Variants in PLD2 observed in about 807,000 individuals in gnomAD.
PLD2 encodes choline phosphatase 2.
Under a neutral mutation model 119.8 loss-of-function variants are expected in PLD2, and 101 were observed. The ratio of observed to expected loss-of-function variants is 0.84; its 90% CI spans 0.72 to 0.99. The LOEUF is 0.99. Ranked by LOEUF, PLD2 falls within the 50% of genes least tolerant of loss-of-function variation. PLD2 has a pLI of 0.00. For synonymous variants in PLD2, 494 were observed against 482.8 expected, an observed-to-expected ratio of 1.02 and a Z score of -0.30; for missense variants, 1,164 against 1,226.8, an observed-to-expected ratio of 0.95 and a Z score of 0.76.
intron 7 of PLD2, 51 bp from the exon 8 acceptor site, chr17:4,809,640 G>A: frequency 1.2e-6 from 2 of 1,610,920 alleles, no homozygotes; most frequent in Non-Finnish European, 1.7e-6. Context: ...GTGCAGGGTG[G>A]GCTGGGGGTC....
Position 4,823,097 on chromosome 17 carries a change from G to A in PLD2, c.*233G>A. ...AGTCCCAGAGCTCATCCCCCCTGCT[G>A]CCCAGTGCAAACCACTTCTCCATGC... On this transcript the variant is annotated 3_prime_UTR_variant, in exon 25 of 25. Transcript: ENST00000263088. The A allele has an allele frequency of 1.9e-6, 1 of 526,008 alleles. No individual in the cohort carries two copies. The highest frequency in any genetic ancestry group is 3.4e-6 in the Non-Finnish European group (1 of 294,992). The allele number at this position is 526,008 out of a possible 1,614,324, so 32.6% of individuals were successfully genotyped here.
In PLD2 at chr17:4,807,622, G is replaced by A. The variant is rs112267429; in HGVS notation, c.-1-150G>A. On this transcript the variant is annotated intron_variant, in intron 1 of 24. Transcript: ENST00000263088. The surrounding 1 kb of genome is among the most constrained non-coding windows in gnomAD (Gnocchi z 5.4). ...GGGGGCTCGAAGGGGTCGGTGGGGC[G>A]TTGCAAACTGGTCAGGCGTCATCCG... 8 of 574,456 alleles carry A rather than the reference G, an allele frequency of 1.4e-5. 1 individual carries two copies. Among genetic ancestry groups the A allele is most frequent in the African/African-American group, 3.7e-5 (2 of 53,538 alleles). The allele number at this position is 574,456 out of a possible 1,614,324, so 35.6% of individuals were successfully genotyped here. A position where few individuals can be genotyped will look rare whatever the true frequency, so the allele number is the denominator to read the frequency against.
At chr17:4,814,863 G>T in intron 12 of PLD2, 152 bp downstream of exon 12, 3 of 711,718 alleles carry the variant, frequency 4.2e-6, no homozygotes, top group Non-Finnish European at 7.5e-6. Flanking sequence ...CATCACCTCC[G>T]CCCTCTCCCT....
intron 14 of PLD2, 93 bp from the exon 15 acceptor site, chr17:4,816,523 GTCTC>G (rs1685617695): frequency 7.9e-7 from 1 of 1,271,140 alleles, no homozygotes; most frequent in African/African-American, 1.5e-5. Context: ...CTTCCTCTCG[GTCTC>G]TCTCACTCTT....
Position 4,822,844 on chromosome 17 carries a change from C to A in PLD2, c.2782C>A (p.Pro928Thr), listed in dbSNP as rs764878216. The A allele has an allele frequency of 1.0e-4, 161 of 1,605,638 alleles. 2 individuals are homozygous for A. The highest frequency in any genetic ancestry group is 2.7e-4 in the Admixed American group (16 of 59,804). Residue 928 changes from proline to threonine, a missense_variant, in exon 25 of 25, where the codon CCC (proline) becomes ACC (threonine). Physicochemically the swap from Pro to Thr is conservative, Grantham distance 38. Coordinates refer to ENST00000263088, the MANE Select transcript of PLD2 (RefSeq NM_002663.5). Reference protein sequence around the residue: ...PPLGSKEGMIPLEVWT With the variant: ...PPLGSKEGMITLEVWT Reference sequence around the variant, plus strand: ...GCTGGGTAGCAAGGAGGGCATGATCCCCCTAGAAGTGTGGACATAGTTGAG... The same window carrying A: ...GCTGGGTAGCAAGGAGGGCATGATCACCCTAGAAGTGTGGACATAGTTGAG...
chr17:4,815,780 A>T lies in PLD2; in HGVS notation c.1301A>T (p.Asp434Val), dbSNP rs1024279823. The stretch of plus-strand genomic sequence containing the variant: ...CTGCTCCAGGTGATGCGTCACCCAG[A>T]CCAAGTGACGTTGTGGGCCCATCAT... ...HPNIKVMRHPDQVTLWAHHEK... is the reference protein window; with the variant it reads ...HPNIKVMRHPVQVTLWAHHEK... The change falls in exon 14 of 25, where the codon GAC (aspartate) becomes GTC (valine). Residue 434 changes from aspartate to valine, a missense_variant. Asp to Val is a radical substitution (Grantham distance 152, BLOSUM62 -3). Transcript: ENST00000263088. 1.2e-6 allele frequency: 2 copies of T among 1,614,008 alleles called. No homozygotes were observed. The highest frequency in any genetic ancestry group is 1.7e-6 in the Non-Finnish European group (2 of 1,179,966).
At position 4,819,085 on chromosome 17, in the gene PLD2, G is replaced by A. The variant is rs1414781472; in HGVS notation, c.2175G>A (p.Met725Ile). Reference protein sequence around the residue: ...YSILHRLKAAMGTAWRDYISI... With the variant: ...YSILHRLKAAIGTAWRDYISI... ...CTCACTTCCCCTCCTGTCACGCAGT[G>A]GGGACAGCATGGCGGGACTATATTT... The change falls in exon 22 of 25, where the codon ATG becomes ATA. Residue 725 changes from methionine (M) to isoleucine (I), a missense_variant and splice_region_variant. Transcript: ENST00000263088. The surrounding 1 kb of genome is among the most constrained non-coding windows in gnomAD (Gnocchi z 4.2). 1.9e-6 allele frequency: 3 copies of A among 1,614,122 alleles called. No homozygotes were observed. Among genetic ancestry groups the A allele is most frequent in the Non-Finnish European group, 2.5e-6 (3 of 1,179,976 alleles).
intron 10 of PLD2, among the ~76,000 whole-genome samples, chr17:4,813,127 G>A (rs570562574): frequency 1.1e-4 from 16 of 152,092 alleles, no homozygotes; most frequent in East Asian, 3.9e-4. Context: ...CTCCTGCCTC[G>A]GCCTCCTGAG....
chr17:4,809,394 A>G, intron 6 of PLD2, 31 bp downstream of exon 6: 1 of 1,613,340 alleles, frequency 6.2e-7, no homozygotes, highest in Non-Finnish European at 8.5e-7. Flanking sequence ...TTAGATGTGG[A>G]GCAGGATTAT....
chr17:4,822,610 C>T, intron 24 of PLD2, 30 bp from the exon 25 acceptor site: 1 of 1,506,518 alleles, frequency 6.6e-7, no homozygotes, highest in South Asian at 1.1e-5. Flanking sequence ...TCTCCCCAAG[C>T]CTTACTGGCG....
intron 4 of PLD2, 36 bp from the exon 5 acceptor site, chr17:4,809,064 C>G: frequency 6.6e-7 from 1 of 1,523,842 alleles, no homozygotes; most frequent in Non-Finnish European, 9.1e-7. Flanking sequence ...CCCAGCCTCC[C>G]AGCTCTTACC....
chr17:4,815,378 A>C (rs1216558338), intron 12 of PLD2, 98 bp from the exon 13 acceptor site: 6 of 771,178 alleles, frequency 7.8e-6, no homozygotes, highest in Non-Finnish European at 1.4e-5. Context: ...TAGGATCTCC[A>C]GACAAGCTGG....
chr17:4,811,297 CT>C (rs35190261), intron 10 of PLD2, among the ~76,000 whole-genome samples: 46,191 of 78,098 alleles, frequency 0.59, 11,103 homozygotes, highest in South Asian at 0.7. Context: ...ATTTTCTTTT[CT>C]TTTTTTTTTT....
In PLD2 at chr17:4,818,498, G is replaced by T; in HGVS notation, c.2014G>T (p.Gly672Trp). The T allele has an allele frequency of 6.2e-7, 1 of 1,613,262 alleles. No homozygotes were observed. The change falls in exon 20 of 25, where the codon GGG becomes TGG. Residue 672 changes from glycine to tryptophan, a missense_variant. Transcript: ENST00000263088. ...VDRILKAHKQ[G>W]WCYRVYVLLP... is the part of the protein sequence containing the mutation. Reference sequence around the variant, plus strand: ...CTGACTCCACCCCCTCCCCAGACAGGGGTGGTGTTACCGAGTCTACGTGCT... The same window carrying T: ...CTGACTCCACCCCCTCCCCAGACAGTGGTGGTGTTACCGAGTCTACGTGCT...
intron 24 of PLD2, 140 bp downstream of exon 24, chr17:4,822,047 G>T (rs1275227551): frequency 1.7e-6 from 1 of 605,300 alleles, no homozygotes; most frequent in Non-Finnish European, 2.9e-6. Flanking sequence ...GCTATCAAGA[G>T]ATTTAGTGGC....
chr17:4,817,369 G>C, intron 17 of PLD2, 110 bp downstream of exon 17: 1 of 814,262 alleles, frequency 1.2e-6, no homozygotes, highest in Non-Finnish European at 2.2e-6. Context: ...CTGGGGTTAA[G>C]AAGCACATCA....
Position 4,819,562 on chromosome 17 carries a change from T to G in PLD2, c.2442T>G (p.Ser814Arg). The G allele has an allele frequency of 6.2e-7, 1 of 1,612,184 alleles. No individual in the cohort carries two copies. Among genetic ancestry groups the G allele is most frequent in the Non-Finnish European group, 8.5e-7 (1 of 1,179,014 alleles). The change falls in exon 23 of 25, where the codon AGT becomes AGG. Residue 814 changes from serine (S) to arginine (R), a missense_variant. Coordinates refer to ENST00000263088, the MANE Select transcript of PLD2 (RefSeq NM_002663.5). This position sits in a 1 kb window ranked among gnomAD's most constrained non-coding sequence, Gnocchi z 4.2. ...ATCAGGCGGGCAGGTTTGCCTTGAG[T>G]CTGCGGAAGCACTGCTTCGGGTAGA... ...AEYQAGRFAL[S>R]LRKHCFGVIL...
chr17:4,818,385 A>G lies in PLD2; in HGVS notation c.2009A>G (p.Lys670Arg). 6.2e-7 allele frequency: 1 copy of G among 1,613,952 alleles called. No individual in the cohort carries two copies. The highest frequency in any genetic ancestry group is 8.5e-7 in the Non-Finnish European group (1 of 1,179,818). ...EIVDRILKAH[K>R]QGWCYRVYVL... The stretch of plus-strand genomic sequence containing the variant: ...GTGGACAGAATCCTGAAGGCCCACA[A>G]GTAAGGTGGACTGTCAGGAAGGTGG... The change falls in exon 19 of 25, where the codon AAA becomes AGA. Residue 670 changes from lysine to arginine, a missense_variant and splice_region_variant. Transcript: ENST00000263088.
Position 4,807,780 on chromosome 17 carries a change from C to T in PLD2, c.8C>T (p.Ala3Val), listed in dbSNP as rs760367867. ...CTTCCCAATGTTCCTAGGATGACGG[C>T]GACCCCTGAGAGCCTCTTCCCCACT... is the stretch of plus-strand genomic sequence containing the variant. The part of the protein sequence containing the change: MT[A>V]TPESLFPTGD... The change falls in exon 2 of 25, where the codon GCG becomes GTG. Residue 3 changes from alanine to valine, a missense_variant. Transcript: ENST00000263088. This position sits in a 1 kb window ranked among gnomAD's most constrained non-coding sequence, Gnocchi z 5.4. 1.9e-6 allele frequency: 3 copies of T among 1,596,276 alleles called. No homozygotes were observed. The highest frequency in any genetic ancestry group is 2.2e-5 in the South Asian group (2 of 90,744).
Sources: allele counts gnomAD v4.1 joint callset (sites outside exome capture counted in the v4.1 genomes callset), GRCh38; gene constraint gnomAD v4.1.1; non-coding constraint Gnocchi (gnomAD v3.1); transcripts MANE v1.5; gene names NCBI Gene and HGNC (gene_info 2026-07-23, HGNC 2026-07-21).